The following POU6F2 variants were observed in gnomAD, a reference collection of about 807,000 sequenced individuals.
POU6F2 encodes POU domain, class 6, transcription factor 2.
In POU6F2, 31 loss-of-function variants were observed where a neutral mutation model predicts 71.3. That is an observed-to-expected ratio of 0.43 (90% CI 0.33 to 0.59). The LOEUF (loss-of-function observed/expected upper bound fraction) is 0.59, where lower values mean the gene tolerates loss of function less well. Among genes scored for constraint, POU6F2 ranks in the 20% least tolerant of loss-of-function variants. The pLI is 0.04. For missense variants in POU6F2, 783 were observed against 856.8 expected, an observed-to-expected ratio of 0.91 and a Z score of 1.07; for synonymous variants, 347 against 355.7, an observed-to-expected ratio of 0.98 and a Z score of 0.27.
At chr7:39,451,439 A>C (rs1158394188) in intron 7 of POU6F2, 94 bp from the exon 8 acceptor site, 5 of 1,286,580 alleles carry the variant, frequency 3.9e-6, no homozygotes, top group Non-Finnish European at 5.3e-6. Flanking sequence ...CTTGGAAATA[A>C]AATGATTCAC....
chr7:39,427,441 G>A (rs1169265203), intron 6 of POU6F2, among the ~76,000 whole-genome samples: 3 of 152,052 alleles, frequency 2.0e-5, no homozygotes, highest in Admixed American at 1.3e-4. Context: ...GGAGAGGATT[G>A]TTTTTATTAT....
intron 1 of POU6F2, among the ~76,000 whole-genome samples, chr7:39,023,619 A>G (rs1020667982): frequency 1.3e-5 from 2 of 152,114 alleles, no homozygotes; most frequent in Admixed American, 1.3e-4. Flanking sequence ...GTGATACACA[A>G]AAGTCCAAAT....
chr7:39,248,826 G>A (rs549234802), intron 4 of POU6F2, among the ~76,000 whole-genome samples: 1 of 152,294 alleles, frequency 6.6e-6, no homozygotes, highest in South Asian at 2.1e-4. Flanking sequence ...GGTTAGCCCA[G>A]TTAGTCCCTA....
rs146506668 is a variant in POU6F2 at position 39,450,271 on chromosome 7, G to A, written c.1321-1262G>A. Among the ~76,000 whole-genome samples, 397 of 152,232 alleles carry A rather than the reference G, an allele frequency of 2.6e-3. 2 individuals are homozygous for A. The highest frequency in any genetic ancestry group is 9.2e-3 in the African/African-American group (380 of 41,524). ...GGGTAGCTCTCCCACCAAAGTTGAG[G>A]TCCTGACCTAATTCTACTCACAGGC... is the stretch of plus-strand genomic sequence containing the variant. On this transcript the variant is annotated intron_variant, in intron 7 of 9. Transcript: ENST00000518318.
intron 4 of POU6F2, among the ~76,000 whole-genome samples, chr7:39,263,312 T>A (rs1359681507): frequency 1.3e-5 from 2 of 152,226 alleles, no homozygotes; most frequent in Non-Finnish European, 1.5e-5. Context: ...GTTTTGGTGT[T>A]CCTCCTTTCA....
chr7:38,983,945 T>C (rs1261958307), intron 1 of POU6F2, among the ~76,000 whole-genome samples: 1 of 152,170 alleles, frequency 6.6e-6, no homozygotes, highest in Non-Finnish European at 1.5e-5. Flanking sequence ...GTTTTATCAG[T>C]AGCTTTAAAA....
intron 1 of POU6F2, among the ~76,000 whole-genome samples, chr7:39,049,970 T>C (rs569915215): frequency 8.5e-5 from 13 of 152,146 alleles, no homozygotes; most frequent in African/African-American, 3.1e-4. Flanking sequence ...CCTGTTTCTT[T>C]GCATGTCTCA....
At chr7:38,998,812 G>A (rs1788814390) in intron 1 of POU6F2, among the ~76,000 whole-genome samples, 2 of 138,166 alleles carry the variant, frequency 1.4e-5, no homozygotes, top group South Asian at 4.7e-4. Context: ...ACCACACCCG[G>A]CTAATTTTTT....
In POU6F2 at chr7:38,978,835, C is replaced by G. The variant is rs140733447; in HGVS notation, c.105+777C>G. ...GATTTTTAGAGCTTTCCCGCTCTGT[C>G]GTCTTTGTCTTCCAAATGGGTCAGT... On this transcript the variant is annotated intron_variant, in intron 1 of 9. Coordinates refer to ENST00000518318, the MANE Select transcript of POU6F2 (RefSeq NM_001370959.1). 2.5e-3 allele frequency among the ~76,000 whole-genome samples: 386 copies of G among 152,288 alleles called. 4 individuals are homozygous for G. The highest frequency in any genetic ancestry group is 9.0e-3 in the African/African-American group (372 of 41,558).
chr7:39,176,088 C>A (rs1242422825), intron 2 of POU6F2, among the ~76,000 whole-genome samples: 1 of 152,160 alleles, frequency 6.6e-6, no homozygotes, highest in Non-Finnish European at 1.5e-5. Flanking sequence ...CTTTCAAGTG[C>A]TTTTATTGGC....
At chr7:39,449,160 A>G (rs546259347) in intron 7 of POU6F2, among the ~76,000 whole-genome samples, 2 of 152,330 alleles carry the variant, frequency 1.3e-5, no homozygotes, top group Admixed American at 6.5e-5. Context: ...AGGAGGCACA[A>G]GGTGGTTTCC....
intron 2 of POU6F2, among the ~76,000 whole-genome samples, chr7:39,196,413 A>G (rs1793788122): frequency 6.6e-6 from 1 of 152,242 alleles, no homozygotes; most frequent in Non-Finnish European, 1.5e-5. Flanking sequence ...CTTATTGGGG[A>G]AAAAAAGCCA....
chr7:39,116,039 C>T (rs1346733823), intron 2 of POU6F2, among the ~76,000 whole-genome samples: 2 of 152,160 alleles, frequency 1.3e-5, no homozygotes, highest in Non-Finnish European at 2.9e-5. Context: ...ACTCGCCTCT[C>T]CATCTGGACA....
At chr7:38,985,763 ATTCTTAGGTGCAT>A (rs1436495813) in intron 1 of POU6F2, among the ~76,000 whole-genome samples, 2 of 152,074 alleles carry the variant, frequency 1.3e-5, no homozygotes, top group African/African-American at 4.8e-5. Flanking sequence ...GTCTTTACAC[ATTCTTAGGTGCAT>A]TTCTTGGTGT....
intron 4 of POU6F2, among the ~76,000 whole-genome samples, chr7:39,324,077 C>T (rs902832686): frequency 2.1e-5 from 3 of 143,512 alleles, no homozygotes; most frequent in Admixed American, 1.5e-4. Flanking sequence ...AACTGCACTC[C>T]AGCCTGGGGA....
chr7:39,237,951 A>T (rs114341056), intron 4 of POU6F2, among the ~76,000 whole-genome samples: 2,140 of 152,226 alleles, frequency 0.014, 53 homozygotes, highest in African/African-American at 0.048. Context: ...GTGTTGATGG[A>T]ACTCTCTCTA....
chr7:39,017,644 T>TGTAGTAG (rs1789588123), intron 1 of POU6F2, among the ~76,000 whole-genome samples: 2 of 152,128 alleles, frequency 1.3e-5, no homozygotes, highest in East Asian at 3.9e-4. Context: ...CAAGCCCCCT[T>TGTAGTAG]ATCCACCCTG....
At chr7:39,307,997 T>A (rs1446735482) in intron 4 of POU6F2, among the ~76,000 whole-genome samples, 1 of 152,012 alleles carries the variant, frequency 6.6e-6, no homozygotes, top group Non-Finnish European at 1.5e-5. Context: ...GAATATTTCA[T>A]AGACTAGCTT....
intron 1 of POU6F2, among the ~76,000 whole-genome samples, chr7:39,004,510 A>G (rs952018077): frequency 5.9e-5 from 9 of 152,140 alleles, no homozygotes; most frequent in African/African-American, 2.2e-4. Flanking sequence ...AGCTGACTCA[A>G]TTGTTTAGGC....
Sources: gnomAD v4.1 joint callset for allele counts (sites outside exome capture counted in the v4.1 genomes callset) on GRCh38, gnomAD v4.1.1 for gene constraint, MANE v1.5 for transcripts, NCBI Gene and HGNC (gene_info 2026-07-23, HGNC 2026-07-21) for gene names.